Variants in MACROD2 observed in about 807,000 individuals in gnomAD.
MACROD2 encodes mono-ADP ribosylhydrolase 2.
In MACROD2, 36 loss-of-function variants were observed where a neutral mutation model predicts 70.4. That is an observed-to-expected ratio of 0.51 (90% CI 0.39 to 0.68). MACROD2 has a LOEUF of 0.68. Ranked by LOEUF, MACROD2 falls within the 30% of genes least tolerant of loss-of-function variation. The pLI is 0.00. For synonymous variants in MACROD2, 172 were observed against 178.8 expected, an observed-to-expected ratio of 0.96 and a Z score of 0.30; for missense variants, 496 against 538.4, an observed-to-expected ratio of 0.92 and a Z score of 0.78.
chr20:15,401,904 T>TA (rs1351107322), intron 6 of MACROD2, among the ~76,000 whole-genome samples: 3 of 152,210 alleles, frequency 2.0e-5, no homozygotes, highest in African/African-American at 7.2e-5. Context: ...CTGGGCATTC[T>TA]ACAAGTCTGA....
chr20:14,946,536 C>G (rs16995182), intron 5 of MACROD2, among the ~76,000 whole-genome samples: 4,116 of 151,888 alleles, frequency 0.027, 197 homozygotes, highest in African/African-American at 0.094. Flanking sequence ...TACTTTTACT[C>G]TGCTTGGTGT....
chr20:16,007,545 C>G (rs1249869712), intron 15 of MACROD2, among the ~76,000 whole-genome samples: 2 of 152,266 alleles, frequency 1.3e-5, no homozygotes, highest in Non-Finnish European at 2.9e-5. Flanking sequence ...GGCAGGAAAG[C>G]TTTTGTTTAT....
At chr20:15,128,086 C>CT (rs1029331852) in intron 5 of MACROD2, among the ~76,000 whole-genome samples, 1 of 152,018 alleles carries the variant, frequency 6.6e-6, no homozygotes, top group African/African-American at 2.4e-5. Context: ...CTCACCGTAT[C>CT]TTTTAACTGA....
intron 6 of MACROD2, among the ~76,000 whole-genome samples, chr20:15,348,301 C>A (rs369676292): frequency 6.6e-6 from 1 of 152,140 alleles, no homozygotes; most frequent in African/African-American, 2.4e-5. Flanking sequence ...GGAGCGCTGC[C>A]CCCTGCCTTG....
At chr20:14,485,563 T>A (rs978965802) in intron 3 of MACROD2, among the ~76,000 whole-genome samples, 8 of 151,882 alleles carry the variant, frequency 5.3e-5, no homozygotes, top group African/African-American at 1.5e-4. Context: ...TAGCCGGGCG[T>A]GGTGGCAGGC....
chr20:15,620,825 C>A (rs1021961622), intron 8 of MACROD2, among the ~76,000 whole-genome samples: 1 of 151,976 alleles, frequency 6.6e-6, no homozygotes, highest in African/African-American at 2.4e-5. Flanking sequence ...TAGATGGCAT[C>A]TTTAATGTCA....
At chr20:14,284,238 G>A (rs1483171301) in intron 3 of MACROD2, among the ~76,000 whole-genome samples, 3 of 152,154 alleles carry the variant, frequency 2.0e-5, no homozygotes, top group African/African-American at 4.8e-5. Context: ...TTAGAAAACT[G>A]CAGCTTGATT....
intron 4 of MACROD2, among the ~76,000 whole-genome samples, chr20:14,498,378 A>G (rs904920661): frequency 6.6e-6 from 1 of 152,254 alleles, no homozygotes; most frequent in African/African-American, 2.4e-5. Context: ...CACACCCATC[A>G]TCTGTTTCTA....
chr20:15,328,742 A>T (rs1442731359), intron 6 of MACROD2, among the ~76,000 whole-genome samples: 1 of 152,114 alleles, frequency 6.6e-6, no homozygotes, highest in African/African-American at 2.4e-5. Flanking sequence ...TTATTATTTT[A>T]TGGCAGTTTT....
chr20:14,072,365 G>A (rs2053856862), intron 2 of MACROD2, among the ~76,000 whole-genome samples: 1 of 151,992 alleles, frequency 6.6e-6, no homozygotes. Context: ...AACTAAAAAT[G>A]GTATATGAGA....
chr20:16,037,019 T>G (rs181655705), intron 15 of MACROD2, among the ~76,000 whole-genome samples: 243 of 152,138 alleles, frequency 1.6e-3, no homozygotes, highest in Admixed American at 3.0e-3. Context: ...TATACAGAGC[T>G]ACAACTTTGA....
At chr20:14,656,845 T>TG (rs1434844453) in intron 4 of MACROD2, among the ~76,000 whole-genome samples, 1 of 152,158 alleles carries the variant, frequency 6.6e-6, no homozygotes, top group African/African-American at 2.4e-5. Context: ...TCCTCTATTT[T>TG]GGGGGGAGAT....
intron 3 of MACROD2, among the ~76,000 whole-genome samples, chr20:14,276,026 G>A (rs952147088): frequency 5.9e-5 from 9 of 151,540 alleles, no homozygotes; most frequent in Non-Finnish European, 7.4e-5. Flanking sequence ...TACACTGTTG[G>A]TGGGACTGTA....
chr20:14,900,678 G>C (rs1292030957), intron 5 of MACROD2, among the ~76,000 whole-genome samples: 2 of 151,630 alleles, frequency 1.3e-5, no homozygotes, highest in Admixed American at 6.6e-5. Context: ...TATGATTTTA[G>C]TAATTGAGCC....
At chr20:15,674,307 G>C (rs936515806) in intron 8 of MACROD2, among the ~76,000 whole-genome samples, 6 of 152,246 alleles carry the variant, frequency 3.9e-5, no homozygotes, top group African/African-American at 1.4e-4. Context: ...AGGCCTCACT[G>C]GAGAGGGGGC....
chr20:15,897,428 T>A (rs8183647), intron 10 of MACROD2, among the ~76,000 whole-genome samples: 2 of 152,162 alleles, frequency 1.3e-5, no homozygotes, highest in Non-Finnish European at 2.9e-5. Flanking sequence ...ACTTCTTGGA[T>A]CTCGGAATGG....
intron 3 of MACROD2, among the ~76,000 whole-genome samples, chr20:14,208,470 A>G (rs1601349835): frequency 6.6e-6 from 1 of 152,148 alleles, no homozygotes; most frequent in African/African-American, 2.4e-5. Flanking sequence ...TTAGCACCAT[A>G]TAGCTACAAC....
intron 5 of MACROD2, among the ~76,000 whole-genome samples, chr20:14,735,751 G>T (rs1266204382): frequency 6.6e-6 from 1 of 152,100 alleles, no homozygotes; most frequent in Non-Finnish European, 1.5e-5. Context: ...TTGGGAGGCT[G>T]AGGTGGAAGG....
chr20:15,906,999 A>G (rs948027894), intron 10 of MACROD2, among the ~76,000 whole-genome samples: 5 of 152,242 alleles, frequency 3.3e-5, no homozygotes, highest in African/African-American at 1.2e-4. Context: ...GTGGGAAGGC[A>G]CAATGAAACT....
Sources: allele counts gnomAD v4.1 joint callset (sites outside exome capture counted in the v4.1 genomes callset), GRCh38; gene constraint gnomAD v4.1.1; transcripts MANE v1.5; gene names NCBI Gene and HGNC (gene_info 2026-07-23, HGNC 2026-07-21).